The following CRTC1 variants were observed in gnomAD, a reference collection of about 807,000 sequenced individuals.
CRTC1 encodes CREB regulated transcription coactivator 1, also known as CREB-regulated transcription coactivator 1.
CRTC1 carries 18 observed loss-of-function variants against 66.1 expected under a neutral mutation model. That is an observed-to-expected ratio of 0.27 (90% CI 0.19 to 0.40). The LOEUF (loss-of-function observed/expected upper bound fraction) is 0.40, where lower values mean the gene tolerates loss of function less well. CRTC1 is among the 10% of genes least tolerant of loss of function. The probability of loss-of-function intolerance (pLI) is 1.00; values close to 1 mark genes in which losing one functional copy is unlikely to be tolerated. For synonymous variants in CRTC1, 416 were observed against 398.8 expected, an observed-to-expected ratio of 1.04 and a Z score of -0.51; for missense variants, 669 against 887.9, an observed-to-expected ratio of 0.75 and a Z score of 3.13.
At chr19:18,774,745 G>A (rs2054944380) in intron 11 of CRTC1, among the ~76,000 whole-genome samples, 155 bp from the exon 12 acceptor site, 1 of 152,160 alleles carries the variant, frequency 6.6e-6, no homozygotes, top group Non-Finnish European at 1.5e-5. Flanking sequence ...CCAGGATTGG[G>A]GGGCACTTCT....
At chr19:18,757,638 C>A (rs1489844887) in intron 6 of CRTC1, among the ~76,000 whole-genome samples, 5 of 152,176 alleles carry the variant, frequency 3.3e-5, no homozygotes, top group African/African-American at 9.7e-5. Flanking sequence ...CTTTGGGAGG[C>A]TGAGGCAGGA....
intron 1 of CRTC1, among the ~76,000 whole-genome samples, chr19:18,703,384 G>A (rs770429496): frequency 5.9e-5 from 9 of 152,042 alleles, no homozygotes; most frequent in Non-Finnish European, 1.2e-4. Flanking sequence ...GGATTTCCCC[G>A]GATTGCTCCT....
At chr19:18,685,669 ATAAG>A (rs1391400365) in intron 1 of CRTC1, among the ~76,000 whole-genome samples, 1 of 152,130 alleles carries the variant, frequency 6.6e-6, no homozygotes, top group African/African-American at 2.4e-5. Flanking sequence ...AAAAAAGAAA[ATAAG>A]AAGAAAGTGT....
chr19:18,726,028 C>T (rs1186643449), intron 1 of CRTC1, among the ~76,000 whole-genome samples: 2 of 152,212 alleles, frequency 1.3e-5, no homozygotes, highest in Admixed American at 6.5e-5. Flanking sequence ...TCATGTACCG[C>T]GCCCTCGATC....
intron 6 of CRTC1, among the ~76,000 whole-genome samples, chr19:18,755,593 CTTTTTTTT>C (rs58121199): frequency 2.8e-5 from 3 of 107,498 alleles, no homozygotes; most frequent in Non-Finnish European, 3.8e-5. Flanking sequence ...CCAAACCTGG[CTTTTTTTT>C]TTTTTTTTTT....
intron 10 of CRTC1, among the ~76,000 whole-genome samples, chr19:18,770,663 A>G (rs2054841474): frequency 1.3e-5 from 2 of 151,728 alleles, no homozygotes; most frequent in Non-Finnish European, 2.9e-5. Context: ...ATGTGTGTGC[A>G]TGTGTGCATG....
At chr19:18,726,353 G>T (rs1197066591) in intron 1 of CRTC1, among the ~76,000 whole-genome samples, 2 of 152,248 alleles carry the variant, frequency 1.3e-5, no homozygotes, top group East Asian at 3.8e-4. Context: ...AGGCCCGGGA[G>T]GGGAGCTGGC....
At chr19:18,774,329 C>T (rs2054935877) in intron 11 of CRTC1, among the ~76,000 whole-genome samples, 1 of 152,236 alleles carries the variant, frequency 6.6e-6, no homozygotes. Context: ...GCCCTGCTGG[C>T]CTCAGATAGC....
intron 5 of CRTC1, 67 bp from the exon 6 acceptor site, chr19:18,753,433 G>C: frequency 8.5e-7 from 1 of 1,183,348 alleles, no homozygotes; most frequent in South Asian, 1.3e-5. Context: ...GTGTCCTCCT[G>C]GTACCACCAT....
intron 6 of CRTC1, among the ~76,000 whole-genome samples, chr19:18,756,614 TA>T (rs56046314): frequency 4.8e-4 from 71 of 147,060 alleles, no homozygotes; most frequent in Non-Finnish European, 4.4e-4. Context: ...ACCCTGTCTC[TA>T]AAAAAAAAAA....
At chr19:18,699,358 T>C (rs1027459049) in intron 1 of CRTC1, among the ~76,000 whole-genome samples, 6 of 152,188 alleles carry the variant, frequency 3.9e-5, no homozygotes, top group Admixed American at 2.6e-4. Context: ...CACATTTTTC[T>C]AAGCAAATCC....
intron 1 of CRTC1, among the ~76,000 whole-genome samples, chr19:18,737,022 C>T (rs6510999): frequency 0.23 from 35,592 of 151,910 alleles, 4,522 homozygotes; most frequent in African/African-American, 0.33. Flanking sequence ...TAGCCACAGG[C>T]GCATTATACT....
At chr19:18,770,496 A>T (rs1366993840) in intron 10 of CRTC1, among the ~76,000 whole-genome samples, 1 of 152,174 alleles carries the variant, frequency 6.6e-6, no homozygotes, top group Non-Finnish European at 1.5e-5. Context: ...GAGCCAGGGG[A>T]CCTGCCCAGG....
chr19:18,765,225 C>G (rs2054701826), intron 8 of CRTC1, among the ~76,000 whole-genome samples, 179 bp from the exon 9 acceptor site: 1 of 152,114 alleles, frequency 6.6e-6, no homozygotes, highest in Non-Finnish European at 1.5e-5. Context: ...ACTGTGGGAC[C>G]CTCGGGTCAG....
chr19:18,774,793 G>A (rs533265083), intron 11 of CRTC1, 107 bp from the exon 12 acceptor site: 72 of 1,006,716 alleles, frequency 7.2e-5, no homozygotes, highest in East Asian at 2.4e-4. Flanking sequence ...GCCTCCTGCC[G>A]TCTGGGAGGT....
intron 13 of CRTC1, 131 bp downstream of exon 13, chr19:18,775,952 C>T: frequency 2.1e-6 from 2 of 966,164 alleles, no homozygotes; most frequent in Non-Finnish European, 3.0e-6. Flanking sequence ...TGATGGGGGC[C>T]TGAGGAGGCC....
intron 1 of CRTC1, among the ~76,000 whole-genome samples, chr19:18,696,856 G>A (rs886756343): frequency 1.3e-4 from 17 of 134,524 alleles, no homozygotes; most frequent in Admixed American, 1.6e-4. Context: ...GGAGGTGATG[G>A]TGACAGGGAT....
intron 3 of CRTC1, 36 bp from the exon 4 acceptor site, chr19:18,747,017 C>T (rs766913772): frequency 1.2e-6 from 2 of 1,605,190 alleles, no homozygotes; most frequent in Non-Finnish European, 1.7e-6. Flanking sequence ...GAGGCGGGGT[C>T]TCAGCCAGTG....
At chr19:18,709,803 A>G (rs1020038792) in intron 1 of CRTC1, among the ~76,000 whole-genome samples, 1 of 152,196 alleles carries the variant, frequency 6.6e-6, no homozygotes, top group Non-Finnish European at 1.5e-5. Flanking sequence ...GGCCGGGGAC[A>G]GCTGCCTGGC....
Sources: allele counts gnomAD v4.1 joint callset (sites outside exome capture counted in the v4.1 genomes callset), GRCh38; gene constraint gnomAD v4.1.1; transcripts MANE v1.5; gene names NCBI Gene and HGNC (gene_info 2026-07-23, HGNC 2026-07-21).